Variants in PXDNL observed in about 807,000 individuals in gnomAD.
PXDNL encodes the protein peroxidasin like.
PXDNL carries 145 observed loss-of-function variants against 150.8 expected under a neutral mutation model. The observed-to-expected ratio is 0.96, with a 90% CI of 0.84 to 1.10. PXDNL has a LOEUF of 1.10. Among genes scored for constraint, PXDNL ranks in the 50% least tolerant of loss-of-function variants. The probability of loss-of-function intolerance (pLI) is 0.00; values close to 1 mark genes in which losing one functional copy is unlikely to be tolerated. For missense variants in PXDNL, 2,087 were observed against 1,873.9 expected, an observed-to-expected ratio of 1.11 and a Z score of -2.10; for synonymous variants, 757 against 725.7, an observed-to-expected ratio of 1.04 and a Z score of -0.69.
At chr8:51,605,964 G>T (rs1813831598) in intron 2 of PXDNL, among the ~76,000 whole-genome samples, 1 of 152,178 alleles carries the variant, frequency 6.6e-6, no homozygotes, top group Non-Finnish European at 1.5e-5. Context: ...CTCACGAGAT[G>T]CTAGTGCCAT....
rs1807778733 is a variant in PXDNL at position 51,388,144 on chromosome 8, A to G, written c.3558-13413T>C. On this transcript the variant is annotated intron_variant, in intron 17 of 22. Coordinates refer to ENST00000356297, the MANE Select transcript of PXDNL (RefSeq NM_144651.5). ...ATATTTTGTCTAGCTAGAACTCAGAAACTATTAAAAGTAATTTTTCAATGA... is the reference window on the plus strand; with the variant it reads ...ATATTTTGTCTAGCTAGAACTCAGAGACTATTAAAAGTAATTTTTCAATGA... 2.0e-5 allele frequency among the ~76,000 whole-genome samples: 3 copies of G among 152,184 alleles called. 1 individual carries two copies. In the South Asian group the frequency reaches 6.2e-4, roughly 31 times the overall value.
At chr8:51,753,168 T>C (rs974141980) in intron 1 of PXDNL, among the ~76,000 whole-genome samples, 4 of 152,222 alleles carry the variant, frequency 2.6e-5, no homozygotes, top group African/African-American at 7.2e-5. Context: ...ACAGGGAATA[T>C]AGTTTCCGGA....
intron 1 of PXDNL, among the ~76,000 whole-genome samples, chr8:51,738,071 CA>C (rs922775609): frequency 2.0e-5 from 3 of 152,178 alleles, no homozygotes; most frequent in African/African-American, 7.2e-5. Context: ...ACAGACACAC[CA>C]AAGTCAGTAA....
chr8:51,413,107 G>A, intron 15 of PXDNL, 43 bp downstream of exon 15: 1 of 1,194,228 alleles, frequency 8.4e-7, no homozygotes, highest in South Asian at 1.2e-5. Context: ...AAGTAGAACA[G>A]AAATGAAAAC....
In PXDNL at chr8:51,515,943, T is replaced by C. The variant is rs186932804; in HGVS notation, c.381-16173A>G. 3.9e-5 allele frequency among the ~76,000 whole-genome samples: 6 copies of C among 152,306 alleles called. No homozygotes were observed. The East Asian group carries it at 1.2e-3, about 29-fold the overall frequency. ...AAGTTTTTATATTAATAAAGATATA[T>C]AGTAGTTTTTAAAACCCTCTAAGTA... On this transcript the variant is annotated intron_variant, in intron 4 of 22. Transcript: ENST00000356297.
chr8:51,755,543 C>T (rs2037091717), intron 1 of PXDNL, among the ~76,000 whole-genome samples: 3 of 152,010 alleles, frequency 2.0e-5, no homozygotes, highest in South Asian at 2.1e-4. Context: ...CCACCTGCCT[C>T]GGCCTCCCAA....
chr8:51,655,572 C>T (rs892986681), intron 1 of PXDNL, among the ~76,000 whole-genome samples: 3 of 152,078 alleles, frequency 2.0e-5, no homozygotes, highest in Admixed American at 6.6e-5. Context: ...GAGAACGAGG[C>T]GCCCCACTCC....
chr8:51,707,098 A>G (rs1698690993), intron 1 of PXDNL, among the ~76,000 whole-genome samples: 1 of 152,210 alleles, frequency 6.6e-6, no homozygotes, highest in Admixed American at 6.5e-5. Flanking sequence ...GAAATAAGCT[A>G]TTTTAATAAT....
intron 3 of PXDNL, among the ~76,000 whole-genome samples, chr8:51,584,752 A>G (rs1262177160): frequency 9.9e-5 from 15 of 152,136 alleles, no homozygotes. Flanking sequence ...ATAAAGTTGA[A>G]TCTTATATGT....
At chr8:51,794,501 G>A (rs2037542009) in intron 1 of PXDNL, among the ~76,000 whole-genome samples, 1 of 152,146 alleles carries the variant, frequency 6.6e-6, no homozygotes, top group Non-Finnish European at 1.5e-5. Flanking sequence ...AGAGATTAGT[G>A]GCCAATATTA....
chr8:51,599,823 A>G lies in PXDNL; in HGVS notation c.237-7125T>C, dbSNP rs1287091417. On this transcript the variant is annotated intron_variant, in intron 2 of 22. Transcript: ENST00000356297. The stretch of plus-strand genomic sequence containing the variant: ...TAATAAATTATACCTTATATAAATG[A>G]CATCGTTTAGATAATAAATTATACC... Among the ~76,000 whole-genome samples, 13 of 140,906 alleles carry G rather than the reference A, an allele frequency of 9.2e-5. 1 individual carries two copies. Among genetic ancestry groups the G allele is most frequent in the African/African-American group, 3.5e-4 (13 of 37,132 alleles). The allele number at this position is 140,906 out of a possible 152,430, so 92.4% of individuals were successfully genotyped here. A position where few individuals can be genotyped will look rare whatever the true frequency, so the allele number is the denominator to read the frequency against.
chr8:51,516,284 G>A (rs969115082), intron 4 of PXDNL, among the ~76,000 whole-genome samples: 2 of 152,154 alleles, frequency 1.3e-5, no homozygotes, highest in Non-Finnish European at 2.9e-5. Flanking sequence ...AGCCCTGATT[G>A]TGAAAATATA....
chr8:51,442,270 T>C (rs1171826742), intron 12 of PXDNL, among the ~76,000 whole-genome samples: 1 of 150,340 alleles, frequency 6.7e-6, no homozygotes, highest in Non-Finnish European at 1.5e-5. Flanking sequence ...TTAATTATTG[T>C]AGGTTTATCA....
chr8:51,385,915 A>G (rs781164289), intron 17 of PXDNL, among the ~76,000 whole-genome samples: 26 of 152,120 alleles, frequency 1.7e-4, no homozygotes, highest in Non-Finnish European at 3.5e-4. Flanking sequence ...GCCGAGTGGA[A>G]CTGTAAGTTC....
At chr8:51,487,657 G>A (rs1810795328) in intron 5 of PXDNL, among the ~76,000 whole-genome samples, 1 of 152,134 alleles carries the variant, frequency 6.6e-6, no homozygotes, top group South Asian at 2.1e-4. Context: ...TCTTTTGCTT[G>A]GTAACGTAGT....
At chr8:51,797,255 A>C (rs1001694046) in intron 1 of PXDNL, among the ~76,000 whole-genome samples, 70 of 152,314 alleles carry the variant, frequency 4.6e-4, no homozygotes, top group African/African-American at 1.6e-3. Context: ...TCCCCTTGAA[A>C]ACTGGCACAA....
chr8:51,691,030 T>G (rs578242701), intron 1 of PXDNL, among the ~76,000 whole-genome samples: 2 of 152,348 alleles, frequency 1.3e-5, no homozygotes, highest in East Asian at 3.9e-4. Context: ...TGTTCTTTCT[T>G]GTAAATTTGT....
At chr8:51,537,965 T>C (rs1409028822) in intron 4 of PXDNL, among the ~76,000 whole-genome samples, 1 of 152,202 alleles carries the variant, frequency 6.6e-6, no homozygotes, top group Non-Finnish European at 1.5e-5. Context: ...AAGGATGCTC[T>C]CACAACTTAA....
chr8:51,703,016 G>A (rs1816289676), intron 1 of PXDNL, among the ~76,000 whole-genome samples: 1 of 151,856 alleles, frequency 6.6e-6, no homozygotes, highest in Non-Finnish European at 1.5e-5. Context: ...ATCTTTTTCA[G>A]TGACAATCTT....
Sources: allele counts gnomAD v4.1 joint callset (sites outside exome capture counted in the v4.1 genomes callset), GRCh38; gene constraint gnomAD v4.1.1; transcripts MANE v1.5; gene names NCBI Gene and HGNC (gene_info 2026-07-23, HGNC 2026-07-21).